Variants in ATP7B observed in about 807,000 individuals in gnomAD.
ATP7B encodes ATPase copper transporting beta.
ATP7B carries 113 observed loss-of-function variants against 118.9 expected under a neutral mutation model. That is an observed-to-expected ratio of 0.95 (90% CI 0.82 to 1.11). ATP7B has a LOEUF of 1.11. Among genes scored for constraint, ATP7B ranks in the 50% most tolerant of loss-of-function variants. The probability of loss-of-function intolerance (pLI) is 0.00; values close to 1 mark genes in which losing one functional copy is unlikely to be tolerated. For missense variants in ATP7B, 1,867 were observed against 1,871.4 expected, an observed-to-expected ratio of 1.00 and a Z score of 0.04; for synonymous variants, 777 against 727.4, an observed-to-expected ratio of 1.07 and a Z score of -1.10.
chr13:51,938,928 G>T, intron 17 of ATP7B, 123 bp downstream of exon 17: 2 of 1,491,210 alleles, frequency 1.3e-6, no homozygotes. Flanking sequence ...CACGTGGAGA[G>T]AAAAGCATCC....
chr13:51,941,084 C>CA lies in ATP7B; in HGVS notation c.3552dup (p.Asp1185Ter), dbSNP rs748924063. ...GGAAGGCAGAAGCAGAAGATACCGT[C>CA]AATAGCCACCAGGATGGCTGTCTGT... On this transcript the variant is annotated frameshift_variant, in exon 16 of 21. Coordinates refer to ENST00000242839, the MANE Select transcript of ATP7B (RefSeq NM_000053.4). LOFTEE classifies it high-confidence loss of function. The CA allele has an allele frequency of 4.3e-6, 7 of 1,614,070 alleles. No individual in the cohort carries two copies. Among genetic ancestry groups the CA allele is most frequent in the African/African-American group, 1.3e-5 (1 of 74,914 alleles).
At chr13:51,993,338 C>G (rs1953026021) in intron 1 of ATP7B, among the ~76,000 whole-genome samples, 1 of 151,802 alleles carries the variant, frequency 6.6e-6, no homozygotes, top group Non-Finnish European at 1.5e-5. Context: ...GAGGGGGAGG[C>G]AGGAGGATCA....
intron 16 of ATP7B, among the ~76,000 whole-genome samples, chr13:51,940,063 A>G (rs1290399703): frequency 1.8e-5 from 2 of 113,926 alleles, no homozygotes; most frequent in African/African-American, 6.8e-5. Context: ...CCCAGGCTGG[A>G]GGGCAGTGGT....
At chr13:51,960,059 A>G in intron 7 of ATP7B, 89 bp downstream of exon 7, 1 of 1,504,734 alleles carries the variant, frequency 6.6e-7, no homozygotes, top group Middle Eastern at 1.7e-4. Flanking sequence ...AAACCAAGCT[A>G]AAGCACTATG....
At chr13:52,007,633 AC>A (rs1953837697) in intron 1 of ATP7B, among the ~76,000 whole-genome samples, 1 of 152,138 alleles carries the variant, frequency 6.6e-6, no homozygotes, top group African/African-American at 2.4e-5. Context: ...TCCGACACCA[AC>A]CATCTGGAGT....
rs1951998921 is a variant in ATP7B at position 51,974,347 on chromosome 13, G to A, written c.873C>T (p.Ser291=). Residue 291 remains serine (S), a synonymous_variant, in exon 2 of 21, where the codon TCC becomes TCT. Transcript: ENST00000242839. ...TTACTTGGGCAGTTTTGTTCTCCAA[G>A]GACACTTGAATACTTTGAACCCCTA... ...QLLGVQSIQV[S]LENKTAQVKY... The A allele has an allele frequency of 6.2e-7, 1 of 1,614,018 alleles. No homozygotes were observed. Among genetic ancestry groups the A allele is most frequent in the Non-Finnish European group, 8.5e-7 (1 of 1,180,044 alleles).
chr13:52,009,975 C>T (rs1258375344), intron 1 of ATP7B, among the ~76,000 whole-genome samples: 1 of 152,160 alleles, frequency 6.6e-6, no homozygotes, highest in Non-Finnish European at 1.5e-5. Flanking sequence ...CTCAATAACG[C>T]TGGTCAACGC....
rs377334296 is a variant in ATP7B at position 51,937,330 on chromosome 13, T to C, written c.3967A>G (p.Ile1323Val). ...LSKRTVRRIRINLVLALIYNL... is the reference protein window; with the variant it reads ...LSKRTVRRIRVNLVLALIYNL... Reference sequence around the variant, plus strand: ...TAAATCAGTGCCAGGACCAGGTTGATGCGTATCCTTCGGACAGTCCTCTTG... The same window carrying C: ...TAAATCAGTGCCAGGACCAGGTTGACGCGTATCCTTCGGACAGTCCTCTTG... Residue 1323 changes from isoleucine to valine, a missense_variant, in exon 19 of 21, where the codon ATC becomes GTC. Physicochemically the swap from Ile to Val is conservative, Grantham distance 29. Transcript: ENST00000242839. The C allele has an allele frequency of 6.2e-6, 10 of 1,614,046 alleles. No individual in the cohort carries two copies. Among genetic ancestry groups the C allele is most frequent in the Non-Finnish European group, 8.5e-6 (10 of 1,180,024 alleles).
chr13:52,003,579 C>A (rs1052825425), intron 1 of ATP7B, among the ~76,000 whole-genome samples: 4 of 151,776 alleles, frequency 2.6e-5, no homozygotes, highest in Non-Finnish European at 5.9e-5. Flanking sequence ...ACACAAATGG[C>A]GTCAGTAGAC....
chr13:51,984,129 G>C (rs925898368), intron 1 of ATP7B, among the ~76,000 whole-genome samples: 1 of 152,080 alleles, frequency 6.6e-6, no homozygotes, highest in African/African-American at 2.4e-5. Flanking sequence ...AGCTAAAGTA[G>C]CATGTTCTAA....
At chr13:51,966,678 A>T (rs1951563918) in intron 4 of ATP7B, 1 of 1,331,594 alleles carries the variant, frequency 7.5e-7, no homozygotes, top group South Asian at 1.2e-5. Context: ...AGAACACTAC[A>T]GACACAGCAT....
intron 12 of ATP7B, among the ~76,000 whole-genome samples, chr13:51,949,057 G>A (rs976654620): frequency 6.6e-6 from 1 of 152,090 alleles, no homozygotes; most frequent in Non-Finnish European, 1.5e-5. Flanking sequence ...GCGTGTGCCT[G>A]TAGTCCCAGC....
At chr13:51,956,200 G>C (rs1239741893) in intron 9 of ATP7B, among the ~76,000 whole-genome samples, 1 of 152,184 alleles carries the variant, frequency 6.6e-6, no homozygotes, top group Non-Finnish European at 1.5e-5. Context: ...CAGCCAGCCT[G>C]CACCTCATGA....
intron 16 of ATP7B, among the ~76,000 whole-genome samples, chr13:51,939,749 G>A (rs1297521738): frequency 6.6e-6 from 1 of 152,122 alleles, no homozygotes; most frequent in Non-Finnish European, 1.5e-5. Flanking sequence ...GACTCCTTTA[G>A]TTGTGCCAAT....
chr13:51,987,966 C>T (rs1952738704), intron 1 of ATP7B, among the ~76,000 whole-genome samples: 4 of 152,146 alleles, frequency 2.6e-5, no homozygotes, highest in Admixed American at 2.0e-4. Flanking sequence ...TAGAAGAAAA[C>T]ATAGGCAGTA....
chr13:52,009,989 T>C (rs1953946639), intron 1 of ATP7B, among the ~76,000 whole-genome samples: 1 of 152,182 alleles, frequency 6.6e-6, no homozygotes, highest in African/African-American at 2.4e-5. Flanking sequence ...TCAACGCTAT[T>C]ATCAGAGGAT....
intron 16 of ATP7B, among the ~76,000 whole-genome samples, chr13:51,939,453 T>C (rs550293705): frequency 6.6e-6 from 1 of 152,230 alleles, no homozygotes; most frequent in Non-Finnish European, 1.5e-5. Context: ...TTCTCCTTTA[T>C]AGCTGAATTT....
intron 9 of ATP7B, among the ~76,000 whole-genome samples, chr13:51,955,724 T>C (rs1958296277): frequency 6.6e-6 from 1 of 152,094 alleles, no homozygotes; most frequent in South Asian, 2.1e-4. Flanking sequence ...TGCCAGCGGC[T>C]TGGCTCCCTG....
chr13:51,959,102 G>C (rs976581593), intron 7 of ATP7B: 1 of 161,654 alleles, frequency 6.2e-6, no homozygotes, highest in South Asian at 1.7e-4. Flanking sequence ...AGCAACACTG[G>C]GGAATGAGAT....
Sources: allele counts gnomAD v4.1 joint callset (sites outside exome capture counted in the v4.1 genomes callset), GRCh38; gene constraint gnomAD v4.1.1; transcripts MANE v1.5; gene names NCBI Gene and HGNC (gene_info 2026-07-23, HGNC 2026-07-21).